Variants in COL28A1 observed in about 807,000 individuals in gnomAD.
COL28A1 encodes the protein collagen type XXVIII alpha 1 chain, also known as collagen alpha-1(XXVIII) chain.
Under a neutral mutation model 150.2 loss-of-function variants are expected in COL28A1, and 161 were observed. That is an observed-to-expected ratio of 1.07 (90% CI 0.94 to 1.22). COL28A1 has a LOEUF of 1.22. Among genes scored for constraint, COL28A1 ranks in the 50% most tolerant of loss-of-function variants. The probability of loss-of-function intolerance (pLI) is 0.00; values close to 1 mark genes in which losing one functional copy is unlikely to be tolerated. For missense variants in COL28A1, 1,617 were observed against 1,388.3 expected, an observed-to-expected ratio of 1.16 and a Z score of -2.62; for synonymous variants, 552 against 469.7, an observed-to-expected ratio of 1.18 and a Z score of -2.26.
chr7:7,528,142 G>T (rs1337844254), intron 3 of COL28A1, among the ~76,000 whole-genome samples: 2 of 151,852 alleles, frequency 1.3e-5, no homozygotes, highest in Non-Finnish European at 2.9e-5. Flanking sequence ...AAATCGTTCA[G>T]AAAAAAAGAC....
intron 27 of COL28A1, among the ~76,000 whole-genome samples, chr7:7,388,184 C>T (rs990735474): frequency 3.3e-5 from 5 of 151,850 alleles, no homozygotes; most frequent in Non-Finnish European, 7.4e-5. Flanking sequence ...CATGACAGGC[C>T]TTGGTGTGTG....
chr7:7,526,711 C>T (rs1012449402), intron 3 of COL28A1, among the ~76,000 whole-genome samples: 1 of 152,122 alleles, frequency 6.6e-6, no homozygotes, highest in African/African-American at 2.4e-5. Context: ...TCTTGGCTCA[C>T]TGCAACCTCC....
chr7:7,366,755 C>A (rs1041357146), intron 33 of COL28A1, among the ~76,000 whole-genome samples: 1 of 152,120 alleles, frequency 6.6e-6, no homozygotes, highest in Non-Finnish European at 1.5e-5. Flanking sequence ...AAGGAAGAGA[C>A]AACAAAAGGG....
chr7:7,348,370 C>T, the COL28A1 span, among the ~76,000 whole-genome samples: 1 of 151,948 alleles, frequency 6.6e-6, no homozygotes, highest in Non-Finnish European at 1.5e-5. Flanking sequence ...ATTCAGGTCA[C>T]CAAAGGAGAC....
chr7:7,457,562 G>C (rs144506788), intron 15 of COL28A1, among the ~76,000 whole-genome samples: 1 of 152,266 alleles, frequency 6.6e-6, no homozygotes, highest in Non-Finnish European at 1.5e-5. Flanking sequence ...CCTGGGATGA[G>C]AACATAAATT....
At chr7:7,354,017 G>C (rs971406168), downstream of COL28A1, among the ~76,000 whole-genome samples, 6 of 148,290 alleles carry the variant, frequency 4.0e-5, no homozygotes, top group Admixed American at 2.0e-4. Flanking sequence ...AGAAGATAAA[G>C]GAGAAAAAAA....
Position 7,373,475 on chromosome 7 carries a change from G to GC in COL28A1, c.2430dup (p.Pro811AlafsTer8). On this transcript the variant is annotated frameshift_variant, in exon 32 of 35. Transcript: ENST00000399429. LOFTEE classifies it high-confidence loss of function. The surrounding 1 kb of genome is among the most constrained non-coding windows in gnomAD (Gnocchi z 4.1). ...TTTTTAATGATCTGAAAGTTCTCTG[G>GC]CCCCACGCTTTCTGAGCTGTCGATC... The GC allele has an allele frequency of 6.2e-7, 1 of 1,614,042 alleles. No individual in the cohort carries two copies. The highest frequency in any genetic ancestry group is 2.2e-5 in the East Asian group (1 of 44,882).
In COL28A1 at chr7:7,520,087, C is replaced by A. The variant is rs772203928; in HGVS notation, c.788G>T (p.Gly263Val). 5.5e-6 allele frequency: 8 copies of A among 1,441,778 alleles called. No individual in the cohort carries two copies. Among genetic ancestry groups the A allele is most frequent in the Non-Finnish European group, 7.8e-6 (8 of 1,024,086 alleles). The allele number at this position is 1,441,778 out of a possible 1,614,324, so 89.3% of individuals were successfully genotyped here. ...PGTHGNPGIKGERGPKGNPGN... is the reference protein window; with the variant it reads ...PGTHGNPGIKVERGPKGNPGN... ...CGGGTTTCCTTTTGGTCCTCGCTCA[C>A]CTTTGATACCTGGATTTCCATGTGT... Residue 263 changes from glycine to valine, a missense_variant, in exon 6 of 35, where the codon GGT becomes GTT. By Grantham distance (109) the Gly-to-Val change is moderately radical. Coordinates refer to ENST00000399429, the MANE Select transcript of COL28A1 (RefSeq NM_001037763.3).
At chr7:7,427,016 T>G (rs1459614668) in intron 25 of COL28A1, among the ~76,000 whole-genome samples, 1 of 152,178 alleles carries the variant, frequency 6.6e-6, no homozygotes, top group Non-Finnish European at 1.5e-5. Context: ...ATGTGGGCAA[T>G]GAATGTTAAG....
At chr7:7,391,269 C>T (rs1042019861) in intron 27 of COL28A1, among the ~76,000 whole-genome samples, 1 of 152,158 alleles carries the variant, frequency 6.6e-6, no homozygotes, top group Non-Finnish European at 1.5e-5. Flanking sequence ...TGTTCAGTTT[C>T]CATGTAGATG....
chr7:7,360,416 A>G lies in COL28A1; in HGVS notation c.3179T>C (p.Leu1060Pro). 6.2e-7 allele frequency: 1 copy of G among 1,603,436 alleles called. No homozygotes were observed. Among genetic ancestry groups the G allele is most frequent in the Non-Finnish European group, 8.5e-7 (1 of 1,177,088 alleles). ...SEATTTPRPL[L>P]STPVDGAEDP... ...CTCTGCCCCATCCACAGGGGTGCTG[A>G]GCAGTGGCCTGGGGGTGGTGGTGGC... Residue 1060 changes from leucine to proline, a missense_variant, in exon 34 of 35, where the codon CTC becomes CCC. Coordinates refer to ENST00000399429, the MANE Select transcript of COL28A1 (RefSeq NM_001037763.3).
rs1316396677 is a variant in COL28A1 at position 7,431,582 on chromosome 7, G to A, written c.1998+891C>T. On this transcript the variant is annotated intron_variant, in intron 25 of 34. Transcript: ENST00000399429. ...TTTTGGCTGAATGTCGGCAGCCAGG[G>A]AGAAATGACAGAAGCTGCAGTCGGG... The A allele has an allele frequency of 8.5e-6, 4 of 471,054 alleles. 1 individual carries two copies. The highest frequency in any genetic ancestry group is 4.6e-5 in the South Asian group (3 of 64,574). 29.2% of individuals were successfully genotyped at this position (471,054 alleles called of 1,614,324 possible).
At chr7:7,451,993 T>C (rs1453408278) in intron 18 of COL28A1, among the ~76,000 whole-genome samples, 9 of 152,150 alleles carry the variant, frequency 5.9e-5, no homozygotes, top group Admixed American at 5.9e-4. Context: ...AAGGGTAAAC[T>C]AAGTATTCGT....
intron 15 of COL28A1, among the ~76,000 whole-genome samples, chr7:7,461,571 T>G (rs1175024012): frequency 1.3e-5 from 2 of 152,054 alleles, no homozygotes; most frequent in African/African-American, 4.8e-5. Flanking sequence ...AGACCAGCCC[T>G]TCAGTTTGCA....
chr7:7,355,167 T>C (rs1245528594), downstream of COL28A1, among the ~76,000 whole-genome samples: 1 of 152,172 alleles, frequency 6.6e-6, no homozygotes, highest in African/African-American at 2.4e-5. Flanking sequence ...CAAAGAATTA[T>C]ATTTCAGATA....
At chr7:7,421,682 A>G (rs1411195249) in intron 25 of COL28A1, among the ~76,000 whole-genome samples, 3 of 152,222 alleles carry the variant, frequency 2.0e-5, no homozygotes, top group Non-Finnish European at 2.9e-5. Context: ...TATAAACTCT[A>G]AAATACTTCC....
chr7:7,439,920 T>G (rs965715294), intron 21 of COL28A1, among the ~76,000 whole-genome samples: 26 of 152,220 alleles, frequency 1.7e-4, no homozygotes, highest in Admixed American at 1.5e-3. Flanking sequence ...CAGGTGATGT[T>G]TTGTATCTGA....
At chr7:7,401,422 G>A (rs10235363) in intron 27 of COL28A1, among the ~76,000 whole-genome samples, 44,061 of 151,720 alleles carry the variant, frequency 0.29, 6,721 homozygotes, top group Middle Eastern at 0.42. Flanking sequence ...ATACCTACTC[G>A]GCAGGTCCAT....
chr7:7,339,407 T>C, the COL28A1 span, among the ~76,000 whole-genome samples: 1 of 152,172 alleles, frequency 6.6e-6, no homozygotes, highest in Non-Finnish European at 1.5e-5. Context: ...ACACTTTTGA[T>C]ATAAACCTTA....
Sources: gnomAD v4.1 joint callset for allele counts (sites outside exome capture counted in the v4.1 genomes callset) on GRCh38, gnomAD v4.1.1 for gene constraint, Gnocchi (gnomAD v3.1) non-coding constraint, MANE v1.5 for transcripts, NCBI Gene and HGNC (gene_info 2026-07-23, HGNC 2026-07-21) for gene names.